CFAP99: variants seen among roughly 807,000 people sequenced by gnomAD.
The protein encoded by CFAP99 is cilia and flagella associated protein 99.
In CFAP99, 84 loss-of-function variants were observed where a neutral mutation model predicts 82.7. That is an observed-to-expected ratio of 1.02 (90% CI 0.85 to 1.22). The LOEUF (loss-of-function observed/expected upper bound fraction) is 1.22, where lower values mean the gene tolerates loss of function less well. Ranked by LOEUF, CFAP99 falls within the 50% of genes most tolerant of loss-of-function variation. The pLI is 0.00. For missense variants in CFAP99, 1,059 were observed against 983.5 expected (o/e 1.08, Z -1.03); for synonymous variants, 456 against 429.5 (o/e 1.06, Z -0.76).
chr4:2,449,438 A>G (rs1462404343), intron 6 of CFAP99, among the ~76,000 whole-genome samples: 2 of 80,414 alleles, frequency 2.5e-5, no homozygotes, highest in Admixed American at 3.3e-4. Flanking sequence ...ACCCCATCCC[A>G]GGCCAAGCTC....
chr4:2,433,113 T>C (rs1454335701), intron 2 of CFAP99, among the ~76,000 whole-genome samples: 3 of 150,918 alleles, frequency 2.0e-5, no homozygotes, highest in Non-Finnish European at 4.4e-5. Context: ...TGTCATTTAC[T>C]GGCTCCTCAC....
intron 6 of CFAP99, among the ~76,000 whole-genome samples, chr4:2,449,086 G>T (rs1291266666): frequency 6.6e-6 from 1 of 152,126 alleles, no homozygotes; most frequent in Non-Finnish European, 1.5e-5. Context: ...AAGGCATGGA[G>T]TTAGGAGGGT....
chr4:2,462,844 A>G lies in CFAP99; in HGVS notation c.2063A>G (p.Glu688Gly). ...GAGGCGCAGCACTGGCTGGAGCTGG[A>G]GCGGAGCCGCGAGCGCAGGCTGCAG... The change falls in exon 15 of 15, where the codon GAG becomes GGG. Residue 688 changes from glutamate (E) to glycine (G), a missense_variant. Transcript: ENST00000635017. This position sits in a 1 kb window ranked among gnomAD's most constrained non-coding sequence, Gnocchi z 4.1. 1 of 1,392,104 alleles carries G rather than the reference A, an allele frequency of 7.2e-7. No individual in the cohort carries two copies. Among genetic ancestry groups the G allele is most frequent in the Non-Finnish European group, 9.3e-7 (1 of 1,072,734 alleles). 86.2% of individuals were successfully genotyped at this position (1,392,104 alleles called of 1,614,324 possible).
chr4:2,451,057 G>A (rs1355898568), intron 9 of CFAP99, 39 bp downstream of exon 9: 1 of 1,514,192 alleles, frequency 6.6e-7, no homozygotes, highest in East Asian at 2.5e-5. Flanking sequence ...GCTCTCCCTG[G>A]GCACCCACCC....
At chr4:2,426,805 G>A (rs2108709992) in intron 2 of CFAP99, 3 of 548,464 alleles carry the variant, frequency 5.5e-6, no homozygotes, top group African/African-American at 1.9e-5. Flanking sequence ...GCCTTGGCCG[G>A]GACCCGGGAT....
intron 6 of CFAP99, among the ~76,000 whole-genome samples, chr4:2,447,830 GTGGATGGATGGA>G (rs991718428): frequency 1.7e-5 from 2 of 115,106 alleles, no homozygotes; most frequent in African/African-American, 3.1e-5. Flanking sequence ...GGGTGGGTGG[GTGGATGGATGGA>G]TGGATGGATG....
In CFAP99 at chr4:2,462,102, A is replaced by C. The variant is rs28554149; in HGVS notation, c.1662-341A>C. 5.6e-6 allele frequency: 1 copy of C among 179,554 alleles called. No homozygotes were observed. The highest frequency in any genetic ancestry group is 1.2e-5 in the Non-Finnish European group (1 of 86,510). The allele number at this position is 179,554 out of a possible 1,614,324, so 11.1% of individuals were successfully genotyped here. A position where few individuals can be genotyped will look rare whatever the true frequency, so the allele number is the denominator to read the frequency against. ...AGCCTGGGAGGTCAAGGCTGCAGTG[A>C]GCCATGATCGCGCCACTGCACTCCA... On this transcript the variant is annotated intron_variant, in intron 14 of 14. Transcript: ENST00000635017. The surrounding 1 kb of genome is among the most constrained non-coding windows in gnomAD (Gnocchi z 4.1).
chr4:2,435,361 A>C (rs1246313909), intron 2 of CFAP99, among the ~76,000 whole-genome samples: 1 of 152,040 alleles, frequency 6.6e-6, no homozygotes, highest in Non-Finnish European at 1.5e-5. Context: ...GATCTAAAAT[A>C]AAAGTAAAAT....
chr4:2,447,065 T>C (rs967017150), intron 6 of CFAP99, among the ~76,000 whole-genome samples: 1 of 150,324 alleles, frequency 6.7e-6, no homozygotes, highest in Non-Finnish European at 1.5e-5. Flanking sequence ...AGTTGATGGA[T>C]AGATGGATAG....
chr4:2,444,555 T>A (rs918668964), intron 5 of CFAP99, among the ~76,000 whole-genome samples: 6 of 152,060 alleles, frequency 3.9e-5, no homozygotes, highest in Non-Finnish European at 8.8e-5. Context: ...ATGCTGGGTG[T>A]GGGACATGGA....
At chr4:2,426,081 T>C (rs544709984) in intron 1 of CFAP99, among the ~76,000 whole-genome samples, 3 of 152,316 alleles carry the variant, frequency 2.0e-5, no homozygotes, top group African/African-American at 7.2e-5. Context: ...GCCTGTGCTC[T>C]CTGCCGTGGG....
chr4:2,458,912 C>T (rs751747582), intron 12 of CFAP99, 48 bp downstream of exon 12: 153 of 1,506,084 alleles, frequency 1.0e-4, no homozygotes, highest in Admixed American at 1.4e-4. Context: ...CTTCCCCACT[C>T]GGGTGCTGGG....
At chr4:2,441,509 GGCT>G (rs1420900679) in intron 4 of CFAP99, among the ~76,000 whole-genome samples, 2 of 152,198 alleles carry the variant, frequency 1.3e-5, no homozygotes, top group Non-Finnish European at 2.9e-5. Flanking sequence ...AGTGCTCAGG[GGCT>G]GCTGCAGGGA....
At position 2,446,368 on chromosome 4, in the gene CFAP99, G is replaced by GTTATTGTTA. The variant is rs1321441099; in HGVS notation, c.642+1065_642+1066insGTTATTATT. On this transcript the variant is annotated intron_variant, in intron 6 of 14. Coordinates refer to ENST00000635017, the Ensembl canonical transcript of CFAP99. The surrounding 1 kb of genome is among the most constrained non-coding windows in gnomAD (Gnocchi z 5.0). ...CTTTTTATTTCATTTTATTATTGTTGTTATTATTATTATTATTATTATTAT... is the reference window on the plus strand; with the variant it reads ...CTTTTTATTTCATTTTATTATTGTTGTTATTGTTATTATTATTATTATTATTATTATTAT... Among the ~76,000 whole-genome samples, 1 of 148,440 alleles carries GTTATTGTTA rather than the reference G, an allele frequency of 6.7e-6. No individual in the cohort carries two copies. The highest frequency in any genetic ancestry group is 2.5e-5 in the African/African-American group (1 of 40,018).
chr4:2,443,815 C>T (rs563386167), intron 5 of CFAP99, among the ~76,000 whole-genome samples: 8 of 152,270 alleles, frequency 5.3e-5, no homozygotes, highest in East Asian at 1.9e-4. Flanking sequence ...GGGCAAACTC[C>T]GGGGCAGGCC....
rs920904175 is a variant in CFAP99, at chr4:2,458,661, C to T, written c.1162-62C>T. The T allele has an allele frequency of 6.1e-5, 91 of 1,493,062 alleles. No individual in the cohort carries two copies. The Middle Eastern group carries it at 7.0e-4, about 11-fold the overall frequency. 92.5% of individuals were successfully genotyped at this position (1,493,062 alleles called of 1,614,324 possible). A position where few individuals can be genotyped will look rare whatever the true frequency, so the allele number is the denominator to read the frequency against. ...CCTCATGCTGCGCCCTGGGCTGGGGCGGGACCAGGCAGGGAAGCCGGAGCA... is the reference window on the plus strand; with the variant it reads ...CCTCATGCTGCGCCCTGGGCTGGGGTGGGACCAGGCAGGGAAGCCGGAGCA... On this transcript the variant is annotated intron_variant, in intron 11 of 14. Transcript: ENST00000635017.
chr4:2,457,226 AGCCGCTGCAGCTG>A lies in CFAP99; in HGVS notation c.1162-1493_1162-1481del, dbSNP rs563081250. ...CCCACGCGCTGGGATTACAAGCGTG[AGCCGCTGCAGCTG>A]GCCCTGAGTACATTTTACCAAAGTC... On this transcript the variant is annotated intron_variant, in intron 11 of 14. Coordinates refer to ENST00000635017, the Ensembl canonical transcript of CFAP99. Among the ~76,000 whole-genome samples, 68 of 152,312 alleles carry A rather than the reference AGCCGCTGCAGCTG, an allele frequency of 4.5e-4. No individual in the cohort carries two copies. In the East Asian group the frequency reaches 4.8e-3, roughly 11 times the overall value.
chr4:2,454,596 T>C (rs868686505), intron 11 of CFAP99, among the ~76,000 whole-genome samples: 10 of 144,330 alleles, frequency 6.9e-5, no homozygotes, highest in Non-Finnish European at 1.4e-4. Flanking sequence ...TTTTTTTTGT[T>C]TTTTTTTTTT....
At chr4:2,439,060 C>T (rs1358235516) in intron 4 of CFAP99, among the ~76,000 whole-genome samples, 1 of 152,182 alleles carries the variant, frequency 6.6e-6, no homozygotes, top group African/African-American at 2.4e-5. Flanking sequence ...ACACACAGGC[C>T]TCTGGACCGA....
Sources: gnomAD v4.1 joint callset for allele counts (sites outside exome capture counted in the v4.1 genomes callset) on GRCh38, gnomAD v4.1.1 for gene constraint, Gnocchi (gnomAD v3.1) non-coding constraint, MANE v1.5 for transcripts, NCBI Gene and HGNC (gene_info 2026-07-23, HGNC 2026-07-21) for gene names.